GALNT16: variants seen among roughly 807,000 people sequenced by gnomAD.
GALNT16 encodes polypeptide N-acetylgalactosaminyltransferase 16, also known as UDP-GalNAc:polypeptide N-acetylgalactosaminyltransferase-like protein 1.
GALNT16 carries 40 observed loss-of-function variants against 76.1 expected under a neutral mutation model. That is an observed-to-expected ratio of 0.53 (90% CI 0.41 to 0.68). GALNT16 has a LOEUF of 0.68. Among genes scored for constraint, GALNT16 ranks in the 30% least tolerant of loss-of-function variants. The pLI is 0.00. For missense variants in GALNT16, 621 were observed against 731.9 expected (o/e 0.85, Z 1.75); for synonymous variants, 276 against 285.2 (o/e 0.97, Z 0.32).
Position 69,333,255 on chromosome 14 carries a change from T to G in GALNT16, c.863+86T>G. ...CTCTTGGGAGGCTGTATCGGTCGCTTGGGCTCCTGAGGCGCACTAAGTGCT... is the reference window on the plus strand; with the variant it reads ...CTCTTGGGAGGCTGTATCGGTCGCTGGGGCTCCTGAGGCGCACTAAGTGCT... On this transcript the variant is annotated intron_variant, in intron 8 of 14. Coordinates refer to ENST00000448469, the MANE Select transcript of GALNT16 (RefSeq NM_001168368.2). This position sits in a 1 kb window ranked among gnomAD's most constrained non-coding sequence, Gnocchi z 4.2. The G allele has an allele frequency of 5.3e-6, 5 of 937,450 alleles. No individual in the cohort carries two copies. The highest frequency in any genetic ancestry group is 8.2e-6 in the Non-Finnish European group (5 of 608,368). The allele number at this position is 937,450 out of a possible 1,614,324, so 58.1% of individuals were successfully genotyped here. A position where few individuals can be genotyped will look rare whatever the true frequency, so the allele number is the denominator to read the frequency against.
intron 12 of GALNT16, among the ~76,000 whole-genome samples, chr14:69,345,029 G>A (rs532227451): frequency 6.6e-6 from 1 of 152,292 alleles, no homozygotes; most frequent in African/African-American, 2.4e-5. Context: ...GGGGCAAAGT[G>A]CGATGCAGAA....
chr14:69,377,919 A>G, the GALNT16 span, among the ~76,000 whole-genome samples: 1 of 152,084 alleles, frequency 6.6e-6, no homozygotes, highest in South Asian at 2.1e-4. Context: ...CCAACCTTCA[A>G]ATGATTAGTT....
At chr14:69,360,699 G>T (rs775189100), downstream of GALNT16, among the ~76,000 whole-genome samples, 2 of 152,186 alleles carry the variant, frequency 1.3e-5, no homozygotes, top group East Asian at 1.9e-4. Context: ...GAAAAGAAAA[G>T]AAATGAAGAA....
chr14:69,362,007 AAAAT>A (rs1181331435), downstream of GALNT16, among the ~76,000 whole-genome samples: 4 of 152,324 alleles, frequency 2.6e-5, no homozygotes, highest in Admixed American at 2.0e-4. Context: ...ACTCCATCTC[AAAAT>A]AAATAAATAA....
chr14:69,386,148 A>G, the GALNT16 span, among the ~76,000 whole-genome samples: 1 of 152,232 alleles, frequency 6.6e-6, no homozygotes, highest in African/African-American at 2.4e-5. Context: ...TACAGAAAAC[A>G]AAACTCAAAC....
chr14:69,341,731 G>A lies in GALNT16; in HGVS notation c.1238G>A (p.Arg413His), dbSNP rs191998975. Residue 413 changes from arginine (R) to histidine (H), a missense_variant, in exon 12 of 15, where the codon CGC (arginine) becomes CAC (histidine). Arg to His is a conservative substitution (Grantham distance 29). Coordinates refer to ENST00000448469, the MANE Select transcript of GALNT16 (RefSeq NM_001168368.2). The stretch of plus-strand genomic sequence containing the variant: ...AAGAAGATGAACTGCAAGTCCTTCC[G>A]CTGGTACCTGGAGAACGTCTACCCA... ...QRKKMNCKSFRWYLENVYPEL... is the reference protein window; with the variant it reads ...QRKKMNCKSFHWYLENVYPEL... 26 of 1,613,068 alleles carry A rather than the reference G, an allele frequency of 1.6e-5. No individual in the cohort carries two copies. Among genetic ancestry groups the A allele is most frequent in the African/African-American group, 1.6e-4 (12 of 74,994 alleles).
intron 1 of GALNT16, among the ~76,000 whole-genome samples, chr14:69,280,894 C>T (rs2044531990): frequency 6.6e-6 from 1 of 152,150 alleles, no homozygotes; most frequent in South Asian, 2.1e-4. Flanking sequence ...CTTCCCTTTC[C>T]TCCCCTTGGG....
chr14:69,342,669 T>C (rs966195067), intron 12 of GALNT16, among the ~76,000 whole-genome samples: 1 of 152,196 alleles, frequency 6.6e-6, no homozygotes, highest in Non-Finnish European at 1.5e-5. Context: ...ATGTTTGCTC[T>C]GGCAAATGAG....
chr14:69,325,969 C>G lies in GALNT16; in HGVS notation c.510C>G (p.Asp170Glu). Residue 170 changes from aspartate (D) to glutamate (E), a missense_variant, in exon 5 of 15, where the codon GAC becomes GAG. Physicochemically the swap from Asp to Glu is conservative, Grantham distance 45. Transcript: ENST00000448469. The part of the protein sequence containing the change: ...LVDDFSSDPE[D>E]CLLLTRIPKV... ...TCCTCTTTGCATCCTCAGCGGAAGACTGTCTACTCCTGACCAGGATCCCCA... is the reference window on the plus strand; with the variant it reads ...TCCTCTTTGCATCCTCAGCGGAAGAGTGTCTACTCCTGACCAGGATCCCCA... 6.2e-7 allele frequency: 1 copy of G among 1,613,900 alleles called. No homozygotes were observed.
At chr14:69,288,544 T>C (rs2044647549) in intron 1 of GALNT16, among the ~76,000 whole-genome samples, 1 of 152,144 alleles carries the variant, frequency 6.6e-6, no homozygotes, top group African/African-American at 2.4e-5. Flanking sequence ...GCTGGCCACG[T>C]TTCCTTCATT....
At chr14:69,322,967 TGTGTGTGTGTGTGTGCGCGCGCAC>T (rs1286637252) in intron 2 of GALNT16, among the ~76,000 whole-genome samples, 4 of 68,450 alleles carry the variant, frequency 5.8e-5, no homozygotes, top group African/African-American at 5.3e-4. Context: ...TGTGTGTGTG[TGTGTGTGTGTGTGTGCGCGCGCAC>T]GCGCGCACGC....
At chr14:69,360,668 G>GA (rs1016482573), downstream of GALNT16, among the ~76,000 whole-genome samples, 50 of 149,762 alleles carry the variant, frequency 3.3e-4, no homozygotes, top group African/African-American at 1.2e-3. Context: ...AAGAATAGAA[G>GA]AAAAAAAAGG....
chr14:69,310,168 T>C (rs1292498933), intron 1 of GALNT16, among the ~76,000 whole-genome samples: 1 of 152,180 alleles, frequency 6.6e-6, no homozygotes, highest in Non-Finnish European at 1.5e-5. Flanking sequence ...GTACTACTAG[T>C]ATAGTAGTAT....
rs540021020 is a variant in GALNT16 at position 69,296,436 on chromosome 14, G to A, written c.178-24275G>A. Among the ~76,000 whole-genome samples, 3 of 152,272 alleles carry A rather than the reference G, an allele frequency of 2.0e-5. No individual in the cohort carries two copies. The East Asian group carries it at 5.8e-4, about 29-fold the overall frequency. On this transcript the variant is annotated intron_variant, in intron 1 of 14. Transcript: ENST00000448469. ...TGCTCAGGTGTGTTGGCTCATGCCT[G>A]TAATCCCAGCACTTTGGGAAGCCGA...
At position 69,316,778 on chromosome 14, in the gene GALNT16, G is replaced by GA. The variant is rs1555399659; in HGVS notation, c.178-3933_178-3932insA. On this transcript the variant is annotated intron_variant, in intron 1 of 14. Coordinates refer to ENST00000448469, the MANE Select transcript of GALNT16 (RefSeq NM_001168368.2). The stretch of plus-strand genomic sequence containing the variant: ...AGCTTGGGGGCTTGTAGTCTGTGAG[G>GA]GGGGGGGGCACTGAAGGTCACGTGA... Among the ~76,000 whole-genome samples, 240 of 126,418 alleles carry GA rather than the reference G, an allele frequency of 1.9e-3. 2 individuals are homozygous for GA. Among genetic ancestry groups the GA allele is most frequent in the Non-Finnish European group, 3.1e-3 (186 of 59,628 alleles). The allele number at this position is 126,418 out of a possible 152,430, so 82.9% of individuals were successfully genotyped here.
intron 1 of GALNT16, among the ~76,000 whole-genome samples, chr14:69,286,600 G>T (rs959057151): frequency 1.3e-5 from 2 of 152,034 alleles, no homozygotes; most frequent in South Asian, 2.1e-4. Flanking sequence ...CACTGCGCCC[G>T]GCCAAAGGCA....
rs2045668016 is a variant in GALNT16, at chr14:69,353,895, C to G, written c.*1727C>G. 6.6e-6 allele frequency: 1 copy of G among 152,332 alleles called. No individual in the cohort carries two copies. The highest frequency in any genetic ancestry group is 6.5e-5 in the Admixed American group (1 of 15,282). 9.4% of individuals were successfully genotyped at this position (152,332 alleles called of 1,614,324 possible). Reference sequence around the variant, plus strand: ...CCACACGGCCCTTGGGGTCAGCAGCCAAGTGTCTGTGGTCCGCAGCACCTG... The same window carrying G: ...CCACACGGCCCTTGGGGTCAGCAGCGAAGTGTCTGTGGTCCGCAGCACCTG... On this transcript the variant is annotated 3_prime_UTR_variant, in exon 15 of 15. Transcript: ENST00000448469.
chr14:69,298,550 C>T (rs1209609586), intron 1 of GALNT16: 1 of 152,410 alleles, frequency 6.6e-6, no homozygotes, highest in Non-Finnish European at 1.5e-5. Context: ...CATGTTCCAT[C>T]CTCACAGACA....
chr14:69,279,531 C>T (rs981009628), intron 1 of GALNT16, among the ~76,000 whole-genome samples: 21 of 152,168 alleles, frequency 1.4e-4, no homozygotes, highest in Admixed American at 3.9e-4. Flanking sequence ...TTGTGTGCAA[C>T]GAGCACTAAG....
Sources: allele counts gnomAD v4.1 joint callset (sites outside exome capture counted in the v4.1 genomes callset), GRCh38; gene constraint gnomAD v4.1.1; non-coding constraint Gnocchi (gnomAD v3.1); transcripts MANE v1.5; gene names NCBI Gene and HGNC (gene_info 2026-07-23, HGNC 2026-07-21).